Variants in SLC29A4 observed in about 807,000 individuals in gnomAD.
SLC29A4 encodes the protein solute carrier family 29 member 4.
SLC29A4 carries 36 observed loss-of-function variants against 43.9 expected under a neutral mutation model. That is an observed-to-expected ratio of 0.82 (90% CI 0.63 to 1.08). The LOEUF (loss-of-function observed/expected upper bound fraction) is 1.08. Among genes scored for constraint, SLC29A4 ranks in the 50% least tolerant of loss-of-function variants. The pLI is 0.00. For missense variants in SLC29A4, 869 were observed against 755.3 expected (o/e 1.15, Z -1.77); for synonymous variants, 491 against 338.0 (o/e 1.45, Z -4.97).
intron 1 of SLC29A4, among the ~76,000 whole-genome samples, chr7:5,286,130 A>G (rs953380559): frequency 6.6e-6 from 1 of 152,162 alleles, no homozygotes; most frequent in Non-Finnish European, 1.5e-5. Context: ...GAGGCACTAC[A>G]TTCAGCACTC....
At chr7:5,284,479 G>T (rs1054330066) in intron 1 of SLC29A4, among the ~76,000 whole-genome samples, 1 of 152,232 alleles carries the variant, frequency 6.6e-6, no homozygotes, top group African/African-American at 2.4e-5. Context: ...CTTCTCAAGG[G>T]CCCCCTGGGT....
At chr7:5,283,428 C>G (rs1423736314) in intron 1 of SLC29A4, among the ~76,000 whole-genome samples, 3 of 151,936 alleles carry the variant, frequency 2.0e-5, no homozygotes, top group Non-Finnish European at 1.5e-5. Flanking sequence ...GCCCCTTCCT[C>G]GTTCTCGGAA....
At chr7:5,285,442 CAG>C (rs952206045) in intron 1 of SLC29A4, among the ~76,000 whole-genome samples, 2 of 152,228 alleles carry the variant, frequency 1.3e-5, no homozygotes, top group African/African-American at 2.4e-5. Flanking sequence ...CCCCAGCTGT[CAG>C]GGGCTGAATC....
chr7:5,289,732 C>G (rs1785184327), intron 2 of SLC29A4, among the ~76,000 whole-genome samples: 1 of 151,952 alleles, frequency 6.6e-6, no homozygotes, highest in Non-Finnish European at 1.5e-5. Flanking sequence ...ATAGACAGCT[C>G]CCTAAACCAT....
At chr7:5,290,646 C>T in intron 2 of SLC29A4, 86 bp from the exon 3 acceptor site, 7 of 1,515,878 alleles carry the variant, frequency 4.6e-6, no homozygotes, top group Non-Finnish European at 5.3e-6. Flanking sequence ...ATGGTGATGG[C>T]GGCCGGGGTG....
rs1213679415 is a variant in SLC29A4 at position 5,300,629 on chromosome 7, GGCAAA to G, written c.1419_1423del (p.Lys474GlufsTer69). On this transcript the variant is annotated frameshift_variant, in exon 10 of 11. Coordinates refer to ENST00000396872, the MANE Select transcript of SLC29A4 (RefSeq NM_153247.4). LOFTEE classifies it high-confidence loss of function. ...CAGCGTGCCCATGATCCTGGCGGCA[GGCAAA>G]GTGAGCCCCAAGCAGCGGGAGCTGG... 2 of 1,609,852 alleles carry G rather than the reference GGCAAA, an allele frequency of 1.2e-6. No homozygotes were observed. The highest frequency in any genetic ancestry group is 1.7e-6 in the Non-Finnish European group (2 of 1,178,740).
At chr7:5,300,382 G>C in intron 9 of SLC29A4, 40 bp from the exon 10 acceptor site, 1 of 1,608,816 alleles carries the variant, frequency 6.2e-7, no homozygotes. Context: ...GAGTGGGGCT[G>C]TGGCCGGGAC....
intron 2 of SLC29A4, among the ~76,000 whole-genome samples, chr7:5,289,216 G>A (rs975685432): frequency 3.4e-4 from 52 of 152,048 alleles, no homozygotes; most frequent in African/African-American, 1.2e-3. Context: ...GAACAACCTG[G>A]CAAAATCTCG....
At chr7:5,296,225 C>T (rs1488098371) in intron 6 of SLC29A4, among the ~76,000 whole-genome samples, 1 of 152,032 alleles carries the variant, frequency 6.6e-6, no homozygotes, top group Admixed American at 6.6e-5. Flanking sequence ...TCTGCGCGCC[C>T]TCTGTTCCAT....
intron 7 of SLC29A4, among the ~76,000 whole-genome samples, chr7:5,298,430 C>T (rs968407099): frequency 6.6e-6 from 1 of 152,070 alleles, no homozygotes; most frequent in Non-Finnish European, 1.5e-5. Flanking sequence ...ACCAGATGCT[C>T]TGGTTGGTTT....
chr7:5,288,137 C>T lies in SLC29A4; in HGVS notation c.169+152C>T, dbSNP rs559145215. ...AGTGTGGATTAGATCTGCTGCATAA[C>T]AAACACGCCCACCTTCTCAGTGTCT... On this transcript the variant is annotated intron_variant, in intron 2 of 10. Transcript: ENST00000396872. The T allele has an allele frequency of 2.9e-6, 3 of 1,044,384 alleles. No individual in the cohort carries two copies. In the Admixed American group the frequency reaches 9.3e-5, roughly 32 times the overall value. The allele number at this position is 1,044,384 out of a possible 1,614,324, so 64.7% of individuals were successfully genotyped here. A position where few individuals can be genotyped will look rare whatever the true frequency, so the allele number is the denominator to read the frequency against.
chr7:5,302,064 C>T (rs766562507), intron 10 of SLC29A4, among the ~76,000 whole-genome samples: 6 of 152,188 alleles, frequency 3.9e-5, no homozygotes, highest in Non-Finnish European at 7.3e-5. Context: ...AATTCTCATG[C>T]CTCAGCCTCC....
At chr7:5,294,987 G>A in intron 6 of SLC29A4, 53 bp downstream of exon 6, 3 of 1,508,896 alleles carry the variant, frequency 2.0e-6, no homozygotes, top group Non-Finnish European at 2.7e-6. Context: ...CCTGGGCTCT[G>A]GAAGCTTCTT....
Position 5,303,233 on chromosome 7 carries a change from C to T in SLC29A4, c.*294C>T. The T allele has an allele frequency of 2.0e-6, 1 of 504,420 alleles. No individual in the cohort carries two copies. Among genetic ancestry groups the T allele is most frequent in the Non-Finnish European group, 3.6e-6 (1 of 279,358 alleles). 31.2% of individuals were successfully genotyped at this position (504,420 alleles called of 1,614,324 possible). On this transcript the variant is annotated 3_prime_UTR_variant, in exon 11 of 11. Transcript: ENST00000396872. Reference sequence around the variant, plus strand: ...GTGTCCAGCGGCCCCGGCTCCAGCCCAGCCAGCACTCTGCAGGGTCACACG... The same window carrying T: ...GTGTCCAGCGGCCCCGGCTCCAGCCTAGCCAGCACTCTGCAGGGTCACACG...
At chr7:5,302,104 C>G (rs6942732) in intron 10 of SLC29A4, among the ~76,000 whole-genome samples, 35,670 of 152,034 alleles carry the variant, frequency 0.23, 4,412 homozygotes, top group Non-Finnish European at 0.25. Context: ...ATGCCCCCCA[C>G]CATACCTGGC....
chr7:5,294,105 G>T (rs1785487117), intron 5 of SLC29A4, among the ~76,000 whole-genome samples: 1 of 140,656 alleles, frequency 7.1e-6, no homozygotes, highest in African/African-American at 2.6e-5. Context: ...GGCTCTATCT[G>T]GAAAAAAAAA....
In SLC29A4 at chr7:5,302,901, G is replaced by T. The variant is rs144064645; in HGVS notation, c.1555G>T (p.Ala519Ser). 6.2e-7 allele frequency: 1 copy of T among 1,606,294 alleles called. No individual in the cohort carries two copies. Among genetic ancestry groups the T allele is most frequent in the African/African-American group, 1.3e-5 (1 of 74,766 alleles). ...TRDAHGSCLHASTANGSILAG... is the reference protein window; with the variant it reads ...TRDAHGSCLHSSTANGSILAG... The stretch of plus-strand genomic sequence containing the variant: ...CGACGCTCACGGCAGCTGCCTGCAC[G>T]CCTCCACCGCCAATGGTTCCATCCT... Residue 519 changes from alanine to serine, a missense_variant, in exon 11 of 11, where the codon GCC (alanine) becomes TCC (serine). Ala to Ser is a moderately conservative substitution (Grantham distance 99, BLOSUM62 1). Coordinates refer to ENST00000396872, the MANE Select transcript of SLC29A4 (RefSeq NM_153247.4).
intron 6 of SLC29A4, among the ~76,000 whole-genome samples, chr7:5,296,572 TG>T (rs55972764): frequency 0.55 from 7,985 of 14,440 alleles, 1,832 homozygotes; most frequent in Admixed American, 0.6. Flanking sequence ...CGGGGCTGGG[TG>T]GGGTCAAGCT....
chr7:5,295,713 G>A (rs557219489), intron 6 of SLC29A4, among the ~76,000 whole-genome samples: 3 of 121,860 alleles, frequency 2.5e-5, no homozygotes, highest in African/African-American at 8.9e-5. Context: ...CCTTGGGGGC[G>A]TTCTGCAACC....
Sources: allele counts gnomAD v4.1 joint callset (sites outside exome capture counted in the v4.1 genomes callset), GRCh38; gene constraint gnomAD v4.1.1; transcripts MANE v1.5; gene names NCBI Gene and HGNC (gene_info 2026-07-23, HGNC 2026-07-21).